RBFOX1: variants seen among roughly 807,000 people sequenced by gnomAD.
RBFOX1 encodes the protein RNA binding fox-1 homolog 1.
A neutral mutation model predicts 57.7 loss-of-function variants in RBFOX1; 8 were observed. The ratio of observed to expected loss-of-function variants is 0.14; its 90% CI spans 0.08 to 0.25. RBFOX1 has a LOEUF of 0.25. Among genes scored for constraint, RBFOX1 ranks in the 10% least tolerant of loss-of-function variants. RBFOX1 has a pLI of 1.00. For synonymous variants in RBFOX1, 326 were observed against 222.4 expected (o/e 1.47, Z -4.15); for missense variants, 611 against 548.5 (o/e 1.11, Z -1.14).
intron 1 of RBFOX1, among the ~76,000 whole-genome samples, chr16:6,290,228 G>C (rs1465980756): frequency 6.8e-6 from 1 of 147,914 alleles, no homozygotes; most frequent in Non-Finnish European, 1.5e-5. Context: ...GAGCATAGCA[G>C]TGATGTCCGT....
At chr16:7,305,119 T>TTG (rs375536750) in intron 4 of RBFOX1, among the ~76,000 whole-genome samples, 33 of 148,644 alleles carry the variant, frequency 2.2e-4, no homozygotes, top group South Asian at 6.4e-4. Context: ...GTTAGGGTGT[T>TTG]TGTGTGTGTG....
At chr16:5,768,373 T>C (rs2053860632) in intron 3 of RBFOX1, among the ~76,000 whole-genome samples, 1 of 152,214 alleles carries the variant, frequency 6.6e-6, no homozygotes, top group South Asian at 2.1e-4. Context: ...GCTGTTTTTT[T>C]CTTTTGCATA....
In RBFOX1 at chr16:7,412,870, G is replaced by A. The variant is rs540758018; in HGVS notation, c.28-105277G>A. On this transcript the variant is annotated intron_variant, in intron 4 of 15. Transcript: ENST00000550418. Reference sequence around the variant, plus strand: ...ATCCTGGCTAACACGGTGAAACCCCGTCTCTACTACAAATATAAAAAATTG... The same window carrying A: ...ATCCTGGCTAACACGGTGAAACCCCATCTCTACTACAAATATAAAAAATTG... Among the ~76,000 whole-genome samples, 138 of 152,088 alleles carry A rather than the reference G, an allele frequency of 9.1e-4. 1 individual carries two copies. The highest frequency in any genetic ancestry group is 1.8e-3 in the Non-Finnish European group (120 of 67,982).
intron 1 of RBFOX1, among the ~76,000 whole-genome samples, chr16:5,294,266 A>G (rs1045097091): frequency 3.9e-5 from 6 of 152,106 alleles, no homozygotes; most frequent in Non-Finnish European, 5.9e-5. Flanking sequence ...CAAAGTCAAA[A>G]AATACTGATG....
chr16:6,053,005 A>G (rs933175261), intron 1 of RBFOX1, among the ~76,000 whole-genome samples: 2 of 152,016 alleles, frequency 1.3e-5, no homozygotes, highest in Non-Finnish European at 2.9e-5. Context: ...TTACATCTCT[A>G]TTAATATCAC....
chr16:6,649,433 T>A (rs1274445065), intron 2 of RBFOX1, among the ~76,000 whole-genome samples: 15 of 152,144 alleles, frequency 9.9e-5, no homozygotes, highest in Non-Finnish European at 2.2e-4. Context: ...AGTTCTTCAG[T>A]GGTGGTTTCT....
intron 4 of RBFOX1, among the ~76,000 whole-genome samples, chr16:7,373,616 C>G (rs1276624638): frequency 6.6e-6 from 1 of 151,838 alleles, no homozygotes; most frequent in Non-Finnish European, 1.5e-5. Context: ...TCAGAAATGA[C>G]AGAGGAAACA....
At chr16:7,647,056 C>T (rs189861885) in intron 11 of RBFOX1, among the ~76,000 whole-genome samples, 1,766 of 152,224 alleles carry the variant, frequency 0.012, 14 homozygotes, top group Middle Eastern at 0.024. Flanking sequence ...GTTGATTTGC[C>T]GTGATACTTG....
At chr16:6,615,853 C>T (rs572157944) in intron 2 of RBFOX1, among the ~76,000 whole-genome samples, 2 of 152,168 alleles carry the variant, frequency 1.3e-5, no homozygotes, top group African/African-American at 4.8e-5. Flanking sequence ...CTGCTTGGCA[C>T]GTGGAACTGC....
At chr16:6,154,613 G>GAATACCAA (rs1311715488) in intron 1 of RBFOX1, among the ~76,000 whole-genome samples, 2 of 152,140 alleles carry the variant, frequency 1.3e-5, no homozygotes, top group Admixed American at 6.6e-5. Context: ...TTATTTCCTT[G>GAATACCAA]GAGAGAGAAT....
intron 1 of RBFOX1, among the ~76,000 whole-genome samples, chr16:6,158,906 G>T (rs967451883): frequency 8.8e-5 from 9 of 102,672 alleles, no homozygotes; most frequent in African/African-American, 3.3e-4. Flanking sequence ...TCTGTCATAG[G>T]TTTGTTTTTT....
chr16:5,467,213 C>G lies in RBFOX1; in HGVS notation c.220-3C>G, dbSNP rs1306954018. 6.2e-6 allele frequency: 9 copies of G among 1,452,628 alleles called. No individual in the cohort carries two copies. In the South Asian group the frequency reaches 1.0e-4, roughly 16 times the overall value. The allele number at this position is 1,452,628 out of a possible 1,614,324, so 90.0% of individuals were successfully genotyped here. A position where few individuals can be genotyped will look rare whatever the true frequency, so the allele number is the denominator to read the frequency against. Reference sequence around the variant, plus strand: ...CTCTCTCTCTTTTTTTTTTTTAATGCAGGATCTACTGTGCCTGCCATACAG... The same window carrying G: ...CTCTCTCTCTTTTTTTTTTTTAATGGAGGATCTACTGTGCCTGCCATACAG... On this transcript the variant is annotated splice_region_variant and splice_polypyrimidine_tract_variant and intron_variant, in intron 1 of 2. Coordinates refer to the RBFOX1 transcript ENST00000585867.
In RBFOX1 at chr16:6,891,830, C is replaced by T. The variant is rs529899654; in HGVS notation, c.-15-160227C>T. Reference sequence around the variant, plus strand: ...TTGAGCCAGCCTAATGTAGGGTTGGCATATGATACCATTATAGCTACTTAG... The same window carrying T: ...TTGAGCCAGCCTAATGTAGGGTTGGTATATGATACCATTATAGCTACTTAG... On this transcript the variant is annotated intron_variant, in intron 3 of 15. Transcript: ENST00000550418. 1.8e-4 allele frequency among the ~76,000 whole-genome samples: 27 copies of T among 152,312 alleles called. No individual in the cohort carries two copies. In the South Asian group the frequency reaches 3.7e-3, roughly 21 times the overall value.
intron 4 of RBFOX1, among the ~76,000 whole-genome samples, chr16:7,308,327 C>T (rs553740702): frequency 1.4e-5 from 2 of 138,366 alleles, no homozygotes; most frequent in South Asian, 2.5e-4. Flanking sequence ...AGTTTAATGT[C>T]CTGAAAGAGG....
chr16:6,632,182 C>A (rs929248789), intron 2 of RBFOX1, among the ~76,000 whole-genome samples: 1 of 152,104 alleles, frequency 6.6e-6, no homozygotes, highest in African/African-American at 2.4e-5. Context: ...CTTGAAGACA[C>A]TTAACTGCAT....
At chr16:5,305,052 G>T (rs928594246) in intron 1 of RBFOX1, among the ~76,000 whole-genome samples, 1 of 152,138 alleles carries the variant, frequency 6.6e-6, no homozygotes. Context: ...CCTGCAGCTT[G>T]TGTGATGTAG....
intron 1 of RBFOX1, among the ~76,000 whole-genome samples, chr16:6,223,637 C>T (rs2097394061): frequency 6.6e-6 from 1 of 152,010 alleles, no homozygotes; most frequent in African/African-American, 2.4e-5. Flanking sequence ...AAAATTTTCT[C>T]CCATTTTGTA....
intron 4 of RBFOX1, among the ~76,000 whole-genome samples, chr16:5,879,964 C>T (rs1175265717): frequency 1.3e-5 from 2 of 152,198 alleles, no homozygotes; most frequent in Non-Finnish European, 2.9e-5. Context: ...TCTCAGGGAA[C>T]CTGTAACAAG....
intron 3 of RBFOX1, among the ~76,000 whole-genome samples, chr16:7,035,382 C>G (rs959952922): frequency 6.6e-6 from 1 of 152,258 alleles, no homozygotes; most frequent in African/African-American, 2.4e-5. Context: ...ATACGGATCA[C>G]GTTATACACT....
Sources: gnomAD v4.1 joint callset for allele counts (sites outside exome capture counted in the v4.1 genomes callset) on GRCh38, gnomAD v4.1.1 for gene constraint, MANE v1.5 for transcripts, NCBI Gene and HGNC (gene_info 2026-07-23, HGNC 2026-07-21) for gene names.